RAPGEF6: variants seen among roughly 807,000 people sequenced by gnomAD.
The protein encoded by RAPGEF6 is Rap guanine nucleotide exchange factor 6.
In RAPGEF6, 56 loss-of-function variants were observed where a neutral mutation model predicts 171.4. The ratio of observed to expected loss-of-function variants is 0.33; its 90% CI spans 0.26 to 0.41. The LOEUF (loss-of-function observed/expected upper bound fraction) is 0.41, where lower values mean the gene tolerates loss of function less well. Among genes scored for constraint, RAPGEF6 ranks in the 10% least tolerant of loss-of-function variants. RAPGEF6 has a pLI of 1.00. For synonymous variants in RAPGEF6, 692 were observed against 650.1 expected (o/e 1.06, Z -0.98); for missense variants, 1,674 against 1,921.4 (o/e 0.87, Z 2.41).
chr5:131,524,637 AG>A (rs1489806085), intron 6 of RAPGEF6, among the ~76,000 whole-genome samples: 2 of 118,504 alleles, frequency 1.7e-5, no homozygotes, highest in African/African-American at 5.6e-5. Flanking sequence ...AGAGAGAGAG[AG>A]AGAGACTTGC....
In RAPGEF6 at chr5:131,604,895, G is replaced by A. The variant is rs533579792; in HGVS notation, c.70-202C>T. ...GCTCTCAAAGGAACTCCTCTTCAAC[G>A]TGACCAATGGCCTCTATTCATTCAA... On this transcript the variant is annotated intron_variant, in intron 1 of 27. Coordinates refer to ENST00000509018, the MANE Select transcript of RAPGEF6 (RefSeq NM_016340.6). Among the ~76,000 whole-genome samples, 15 of 152,234 alleles carry A rather than the reference G, an allele frequency of 9.9e-5. No homozygotes were observed. In the East Asian group the frequency reaches 2.9e-3, roughly 29 times the overall value.
Position 131,427,112 on chromosome 5 carries a change from T to C in RAPGEF6, c.*154A>G. The C allele has an allele frequency of 2.7e-6, 2 of 734,456 alleles. No homozygotes were observed. Among genetic ancestry groups the C allele is most frequent in the Non-Finnish European group, 4.8e-6 (2 of 417,920 alleles). 45.5% of individuals were successfully genotyped at this position (734,456 alleles called of 1,614,324 possible). On this transcript the variant is annotated 3_prime_UTR_variant, in exon 28 of 28. Coordinates refer to ENST00000509018, the MANE Select transcript of RAPGEF6 (RefSeq NM_016340.6). ...GAAATTAAATGAAAGGAAGCATAAC[T>C]CAGGTCTATTTCATTGCTCGGAGTA... is the stretch of plus-strand genomic sequence containing the variant.
intron 7 of RAPGEF6, among the ~76,000 whole-genome samples, chr5:131,514,698 C>T (rs1757962023): frequency 6.6e-6 from 1 of 151,630 alleles, no homozygotes; most frequent in Non-Finnish European, 1.5e-5. Context: ...CAAAAGCTAC[C>T]CAATCTGAAG....
At chr5:131,572,043 A>G (rs1302018474) in intron 4 of RAPGEF6, among the ~76,000 whole-genome samples, 1 of 152,026 alleles carries the variant, frequency 6.6e-6, no homozygotes, top group Non-Finnish European at 1.5e-5. Context: ...ACCTATGATA[A>G]TCCCACCACC....
chr5:131,432,389 C>T (rs562628937), intron 25 of RAPGEF6, among the ~76,000 whole-genome samples: 10 of 152,038 alleles, frequency 6.6e-5, no homozygotes, highest in Non-Finnish European at 1.0e-4. Flanking sequence ...GAGGCCGAGG[C>T]GGGCGGATCA....
chr5:131,569,169 C>T (rs1383200253), intron 4 of RAPGEF6, among the ~76,000 whole-genome samples: 1 of 152,066 alleles, frequency 6.6e-6, no homozygotes, highest in African/African-American at 2.4e-5. Context: ...TCTATAGATT[C>T]AAATCATTTC....
At chr5:131,488,446 C>A (rs1359991055) in intron 15 of RAPGEF6, among the ~76,000 whole-genome samples, 1 of 152,056 alleles carries the variant, frequency 6.6e-6, no homozygotes, top group Non-Finnish European at 1.5e-5. Context: ...TCTTATTTTT[C>A]GAAACTGGAA....
chr5:131,536,500 C>A (rs1759784213), intron 6 of RAPGEF6, among the ~76,000 whole-genome samples: 1 of 152,128 alleles, frequency 6.6e-6, no homozygotes, highest in Non-Finnish European at 1.5e-5. Context: ...AGCATACTGT[C>A]ATATATATCC....
chr5:131,564,234 G>A (rs547704599), intron 4 of RAPGEF6, among the ~76,000 whole-genome samples: 3 of 152,278 alleles, frequency 2.0e-5, no homozygotes, highest in Admixed American at 1.3e-4. Context: ...AAAGAGATAC[G>A]GGGAGAGAGA....
chr5:131,496,350 T>A (rs560536875), intron 12 of RAPGEF6, among the ~76,000 whole-genome samples: 3 of 152,300 alleles, frequency 2.0e-5, no homozygotes, highest in East Asian at 1.9e-4. Context: ...TCATTTTTTT[T>A]AAATCGTGGT....
At chr5:131,526,695 T>C (rs1758889489) in intron 6 of RAPGEF6, among the ~76,000 whole-genome samples, 1 of 152,186 alleles carries the variant, frequency 6.6e-6, no homozygotes, top group Admixed American at 6.5e-5. Flanking sequence ...ACAGCTGATC[T>C]TTCATCAGCA....
At chr5:131,567,406 A>C (rs748732444) in intron 4 of RAPGEF6, among the ~76,000 whole-genome samples, 2 of 152,170 alleles carry the variant, frequency 1.3e-5, no homozygotes, top group East Asian at 3.8e-4. Flanking sequence ...ATATGATCTA[A>C]ATTTCCCTGA....
chr5:131,592,525 G>T, intron 3 of RAPGEF6, 59 bp from the exon 4 acceptor site: 1 of 1,558,696 alleles, frequency 6.4e-7, no homozygotes, highest in Non-Finnish European at 8.7e-7. Flanking sequence ...ATATGTATAT[G>T]AATTCAATAA....
intron 6 of RAPGEF6, among the ~76,000 whole-genome samples, chr5:131,534,482 A>G (rs1393568117): frequency 6.6e-6 from 1 of 152,092 alleles, no homozygotes; most frequent in Non-Finnish European, 1.5e-5. Flanking sequence ...AAGACACAAT[A>G]CCAAAATACA....
chr5:131,606,048 A>AAAAAG (rs1764550471), intron 1 of RAPGEF6, among the ~76,000 whole-genome samples: 1 of 123,630 alleles, frequency 8.1e-6, no homozygotes, highest in Non-Finnish European at 1.7e-5. Context: ...AAAAAAAAAA[A>AAAAAG]AAAAAGAAAA....
intron 3 of RAPGEF6, among the ~76,000 whole-genome samples, chr5:131,597,194 G>A (rs1763952221): frequency 6.6e-6 from 1 of 152,030 alleles, no homozygotes; most frequent in Admixed American, 6.6e-5. Flanking sequence ...CAGTGAGAAT[G>A]GCTACCATCA....
At chr5:131,485,555 A>G (rs1239347720) in intron 15 of RAPGEF6, among the ~76,000 whole-genome samples, 1 of 152,184 alleles carries the variant, frequency 6.6e-6, no homozygotes, top group African/African-American at 2.4e-5. Flanking sequence ...TCTGTACCAC[A>G]GTACTCACAT....
chr5:131,518,356 T>C (rs1263483329), intron 7 of RAPGEF6, among the ~76,000 whole-genome samples: 1 of 152,068 alleles, frequency 6.6e-6, no homozygotes, highest in East Asian at 1.9e-4. Flanking sequence ...GTTTCTATCT[T>C]TTGGCTATGG....
intron 1 of RAPGEF6, among the ~76,000 whole-genome samples, chr5:131,614,460 G>A (rs374353601): frequency 9.2e-5 from 14 of 152,100 alleles, no homozygotes; most frequent in Middle Eastern, 3.4e-3. Context: ...AGCACATCTC[G>A]ACATAGCCAG....
Sources: allele counts gnomAD v4.1 joint callset (sites outside exome capture counted in the v4.1 genomes callset), GRCh38; gene constraint gnomAD v4.1.1; transcripts MANE v1.5; gene names NCBI Gene and HGNC (gene_info 2026-07-23, HGNC 2026-07-21).